Variants in AHDC1 observed in about 807,000 individuals in gnomAD.
AHDC1 encodes the protein transcription factor Gibbin.
Under a neutral mutation model 87.9 loss-of-function variants are expected in AHDC1, and 7 were observed. The observed-to-expected ratio is 0.08, with a 90% CI of 0.05 to 0.15. The LOEUF (loss-of-function observed/expected upper bound fraction) is 0.15. AHDC1 is among the 10% of genes least tolerant of loss of function. AHDC1 has a pLI of 1.00. For missense variants in AHDC1, 1,841 were observed against 2,253.2 expected (o/e 0.82, Z 3.70); for synonymous variants, 1,051 against 1,006.8 (o/e 1.04, Z -0.83).
chr1:27,557,168 A>C (rs1571258679), intron 5 of AHDC1, among the ~76,000 whole-genome samples: 1 of 113,424 alleles, frequency 8.8e-6, no homozygotes, highest in African/African-American at 3.5e-5. Context: ...TGTGGGCGCC[A>C]CCGCCAGCTC....
At position 27,595,700 on chromosome 1, in the gene AHDC1, C is replaced by G. The variant is rs144632882; in HGVS notation, c.-629+7697G>C. 2.0e-5 allele frequency among the ~76,000 whole-genome samples: 3 copies of G among 151,768 alleles called. No homozygotes were observed. The highest frequency in any genetic ancestry group is 2.9e-5 in the Non-Finnish European group (2 of 67,954). ...GTTAGAGACCTGAGGTCCCTCCATA[C>G]GTGGGAAGGGAAGAATGGGTCTCTG... On this transcript the variant is annotated intron_variant, in intron 3 of 8. Transcript: ENST00000673934. The surrounding 1 kb of genome is among the most constrained non-coding windows in gnomAD (Gnocchi z 4.0).
chr1:27,556,570 C>A (rs2019825355), intron 5 of AHDC1, among the ~76,000 whole-genome samples: 1 of 152,028 alleles, frequency 6.6e-6, no homozygotes, highest in South Asian at 2.1e-4. Context: ...CAACCTGATC[C>A]CAGGCACAAT....
intron 8 of AHDC1, among the ~76,000 whole-genome samples, chr1:27,545,117 G>A (rs1390328792): frequency 6.6e-6 from 1 of 150,622 alleles, no homozygotes; most frequent in Non-Finnish European, 1.5e-5. Flanking sequence ...TTCAAGGTCC[G>A]GTCAGCATGC....
Position 27,563,237 on chromosome 1 carries a change from A to C in AHDC1, c.-628-4354T>G, listed in dbSNP as rs2020177018. Among the ~76,000 whole-genome samples the C allele has an allele frequency of 6.6e-6, 1 of 151,762 alleles. No individual in the cohort carries two copies. The highest frequency in any genetic ancestry group is 2.4e-5 in the African/African-American group (1 of 41,268). ...TGTCACACAGCTGACCAAGACACAC[A>C]CACACGCACGCATGCATGCACACAC... is the stretch of plus-strand genomic sequence containing the variant. On this transcript the variant is annotated intron_variant, in intron 3 of 8. Transcript: ENST00000673934. The surrounding 1 kb of genome is among the most constrained non-coding windows in gnomAD (Gnocchi z 6.1).
chr1:27,575,888 A>C, intron 3 of AHDC1, among the ~76,000 whole-genome samples: 1 of 131,052 alleles, frequency 7.6e-6, no homozygotes, highest in Non-Finnish European at 1.7e-5. Context: ...CTGCCCGCTG[A>C]ATGGGAGGGG....
At chr1:27,588,465 G>C (rs982441133) in intron 3 of AHDC1, among the ~76,000 whole-genome samples, 9 of 152,208 alleles carry the variant, frequency 5.9e-5, no homozygotes, top group Admixed American at 2.6e-4. Context: ...ACTAAACAGA[G>C]GAATGACAAA....
chr1:27,582,712 A>G (rs1474096329), intron 3 of AHDC1, among the ~76,000 whole-genome samples: 1 of 152,184 alleles, frequency 6.6e-6, no homozygotes, highest in Non-Finnish European at 1.5e-5. Context: ...TGCTTACTGC[A>G]TGGCAGGCAC....
chr1:27,544,773 C>T (rs1281131438), intron 8 of AHDC1, among the ~76,000 whole-genome samples: 1 of 152,246 alleles, frequency 6.6e-6, no homozygotes, highest in African/African-American at 2.4e-5. Flanking sequence ...CCACCTTGGC[C>T]TGGGCCATCA....
chr1:27,573,016 A>G (rs931910884), intron 3 of AHDC1, among the ~76,000 whole-genome samples: 1 of 152,174 alleles, frequency 6.6e-6, no homozygotes, highest in Non-Finnish European at 1.5e-5. Context: ...GACAACAGAG[A>G]CCTAGGGAAG....
Position 27,534,436 on chromosome 1 carries a change from C to G in AHDC1, c.*524G>C, listed in dbSNP as rs1190955225. 1 of 151,878 alleles carries G rather than the reference C, an allele frequency of 6.6e-6. No individual in the cohort carries two copies. The highest frequency in any genetic ancestry group is 2.1e-4 in the South Asian group (1 of 4,818). The allele number at this position is 151,878 out of a possible 1,614,324, so 9.4% of individuals were successfully genotyped here. Reference sequence around the variant, plus strand: ...CGCAAGAGGTTCTTCTCCCTCCCCCCCACCATGCGAATTTGCACACCACGG... The same window carrying G: ...CGCAAGAGGTTCTTCTCCCTCCCCCGCACCATGCGAATTTGCACACCACGG... On this transcript the variant is annotated 3_prime_UTR_variant, in exon 9 of 9. Transcript: ENST00000673934.
In AHDC1 at chr1:27,547,997, G is replaced by T; in HGVS notation, c.4119C>A (p.Pro1373=). ...FHCDSPSLGA[P]ELDGKHFPPL... ...GTGGGAAATGCTTGCCATCAAGCTC[G>T]GGAGCACCCAGGCTGGGCGAGTCGC... The change falls in exon 8 of 9, where the codon CCC becomes CCA. Residue 1373 remains proline (P), a synonymous_variant. Coordinates refer to ENST00000673934, the MANE Select transcript of AHDC1 (RefSeq NM_001371928.1). The surrounding 1 kb of genome is among the most constrained non-coding windows in gnomAD (Gnocchi z 4.9). 1 of 1,607,896 alleles carries T rather than the reference G, an allele frequency of 6.2e-7. No homozygotes were observed.
At position 27,562,791 on chromosome 1, in the gene AHDC1, G is replaced by A. The variant is rs2020151255; in HGVS notation, c.-628-3908C>T. Among the ~76,000 whole-genome samples, 2 of 152,240 alleles carry A rather than the reference G, an allele frequency of 1.3e-5. No homozygotes were observed. The highest frequency in any genetic ancestry group is 4.2e-4 in the South Asian group (2 of 4,816). The stretch of plus-strand genomic sequence containing the variant: ...ATGTCGTCTCTTTAGAGTGAGACAC[G>A]AGCTCCCAAGTTACTGACAACTTCC... On this transcript the variant is annotated intron_variant, in intron 3 of 8. Coordinates refer to ENST00000673934, the MANE Select transcript of AHDC1 (RefSeq NM_001371928.1). This position sits in a 1 kb window ranked among gnomAD's most constrained non-coding sequence, Gnocchi z 4.4.
Position 27,547,808 on chromosome 1 carries a change from G to A in AHDC1, c.4308C>T (p.His1436=), listed in dbSNP as rs566131872. Residue 1436 remains histidine, a synonymous_variant, in exon 8 of 9, where the codon CAC becomes CAT. Transcript: ENST00000673934. This position sits in a 1 kb window ranked among gnomAD's most constrained non-coding sequence, Gnocchi z 4.9. ...TCAGGTGGGCCTGGGCTGCAGCTGCGTGGCCCAGGCTGGCCCCCTGGAGTC... is the reference window on the plus strand; with the variant it reads ...TCAGGTGGGCCTGGGCTGCAGCTGCATGGCCCAGGCTGGCCCCCTGGAGTC... ...KHGLQGASLG[H]AAAAQAHLSC... The A allele has an allele frequency of 3.8e-5, 59 of 1,559,996 alleles. No individual in the cohort carries two copies. The highest frequency in any genetic ancestry group is 4.3e-4 in the Middle Eastern group (2 of 4,626).
At position 27,562,972 on chromosome 1, in the gene AHDC1, A is replaced by T. The variant is rs1234116305; in HGVS notation, c.-628-4089T>A. Among the ~76,000 whole-genome samples, 1 of 152,104 alleles carries T rather than the reference A, an allele frequency of 6.6e-6. No individual in the cohort carries two copies. The highest frequency in any genetic ancestry group is 1.5e-5 in the Non-Finnish European group (1 of 68,012). On this transcript the variant is annotated intron_variant, in intron 3 of 8. Transcript: ENST00000673934. The surrounding 1 kb of genome is among the most constrained non-coding windows in gnomAD (Gnocchi z 4.4). ...AAGCACATAACCTGTCGCTTCCTCCAAACATGAGATGGGCACACCTGACAC... is the reference window on the plus strand; with the variant it reads ...AAGCACATAACCTGTCGCTTCCTCCTAACATGAGATGGGCACACCTGACAC...
At chr1:27,557,835 G>A (rs746430856) in intron 5 of AHDC1, among the ~76,000 whole-genome samples, 1 of 152,056 alleles carries the variant, frequency 6.6e-6, no homozygotes, top group East Asian at 1.9e-4. Flanking sequence ...GCCCTTGAAC[G>A]CTCCCCAGCC....
Position 27,565,760 on chromosome 1 carries a change from C to A in AHDC1, c.-628-6877G>T, listed in dbSNP as rs1252514609. On this transcript the variant is annotated intron_variant, in intron 3 of 8. Transcript: ENST00000673934. This position sits in a 1 kb window ranked among gnomAD's most constrained non-coding sequence, Gnocchi z 4.6. ...AAGGGAAGGGACAAATCCCAAGAATCAGTGAGGCCTGTTCTCTAGAGAGCT... is the reference window on the plus strand; with the variant it reads ...AAGGGAAGGGACAAATCCCAAGAATAAGTGAGGCCTGTTCTCTAGAGAGCT... Among the ~76,000 whole-genome samples, 1 of 152,192 alleles carries A rather than the reference C, an allele frequency of 6.6e-6. No individual in the cohort carries two copies. Among genetic ancestry groups the A allele is most frequent in the Admixed American group, 6.5e-5 (1 of 15,288 alleles).
rs2019332088 is a variant in AHDC1 at position 27,548,699 on chromosome 1, G to C, written c.3417C>G (p.Pro1139=). 3 of 1,613,366 alleles carry C rather than the reference G, an allele frequency of 1.9e-6. No homozygotes were observed. ...AGTTGGAGATGTCCAGGATCACGTT[G>C]GGCTCGCTGACGTGGCAGTCAAAAC... The part of the protein sequence containing the change: ...NPSFDCHVSE[P]NVILDISNYT... Residue 1139 remains proline, a synonymous_variant, in exon 8 of 9, where the codon CCC becomes CCG. Transcript: ENST00000673934.
chr1:27,534,272 G>GTTTTTTTTTTTCTTTTTTTTTTT lies in AHDC1; in HGVS notation c.*687_*688insAAAAAAAAAAAGAAAAAAAAAAA, dbSNP rs1208219359. 1.3e-5 allele frequency: 1 copy of GTTTTTTTTTTTCTTTTTTTTTTT among 79,098 alleles called. No homozygotes were observed. Among genetic ancestry groups the GTTTTTTTTTTTCTTTTTTTTTTT allele is most frequent in the Non-Finnish European group, 2.7e-5 (1 of 37,342 alleles). 4.9% of individuals were successfully genotyped at this position (79,098 alleles called of 1,614,324 possible). ...GGTTTTTTTTTTTTGTTTTTTTTTT[G>GTTTTTTTTTTTCTTTTTTTTTTT]TTTTTTTTTTGCTTTTTTTCATTTC... On this transcript the variant is annotated 3_prime_UTR_variant, in exon 9 of 9. Coordinates refer to ENST00000673934, the MANE Select transcript of AHDC1 (RefSeq NM_001371928.1).
In AHDC1 at chr1:27,593,027, G is replaced by A. The variant is rs1276762266; in HGVS notation, c.-629+10370C>T. Among the ~76,000 whole-genome samples the A allele has an allele frequency of 2.0e-5, 3 of 152,052 alleles. No individual in the cohort carries two copies. The highest frequency in any genetic ancestry group is 2.4e-5 in the African/African-American group (1 of 41,392). On this transcript the variant is annotated intron_variant, in intron 3 of 8. Coordinates refer to ENST00000673934, the MANE Select transcript of AHDC1 (RefSeq NM_001371928.1). This position sits in a 1 kb window ranked among gnomAD's most constrained non-coding sequence, Gnocchi z 4.9. ...CAGGGGCAGAGTTGGCCCCACCTCC[G>A]AGCTGCATTATTTATAAAACCCAGA...
Sources: gnomAD v4.1 joint callset for allele counts (sites outside exome capture counted in the v4.1 genomes callset) on GRCh38, gnomAD v4.1.1 for gene constraint, Gnocchi (gnomAD v3.1) non-coding constraint, MANE v1.5 for transcripts, NCBI Gene and HGNC (gene_info 2026-07-23, HGNC 2026-07-21) for gene names.